Variants in CACNA2D1 observed in about 807,000 individuals in gnomAD.
The protein encoded by CACNA2D1 is voltage-dependent calcium channel subunit alpha-2/delta-1.
In CACNA2D1, 53 loss-of-function variants were observed where a neutral mutation model predicts 171.5. The observed-to-expected ratio is 0.31, with a 90% confidence interval of 0.25 to 0.39. The LOEUF is 0.39. Ranked by LOEUF, CACNA2D1 falls within the 10% of genes least tolerant of loss-of-function variation. CACNA2D1 has a pLI of 1.00. For missense variants in CACNA2D1, 903 were observed against 1,299.8 expected (o/e 0.69, Z 4.69); for synonymous variants, 442 against 443.1 (o/e 1.00, Z 0.03).
chr7:82,038,316 C>T (rs1803551964), intron 10 of CACNA2D1, 81 bp from the exon 11 acceptor site: 4 of 1,240,492 alleles, frequency 3.2e-6, no homozygotes, highest in Non-Finnish European at 4.6e-6. Context: ...GTTTGATACT[C>T]CTAAACGGTA....
chr7:82,218,213 T>C (rs1382175935), intron 3 of CACNA2D1, among the ~76,000 whole-genome samples: 1 of 152,074 alleles, frequency 6.6e-6, no homozygotes, highest in Non-Finnish European at 1.5e-5. Flanking sequence ...GGATTACAGG[T>C]GTAAGCCACC....
chr7:81,957,858 C>A (rs1377734998), intron 38 of CACNA2D1, among the ~76,000 whole-genome samples: 1 of 152,050 alleles, frequency 6.6e-6, no homozygotes, highest in African/African-American at 2.4e-5. Context: ...GATATAGCCT[C>A]CTAGAATAAT....
intron 3 of CACNA2D1, among the ~76,000 whole-genome samples, chr7:82,255,026 C>A (rs1269055240): frequency 6.6e-6 from 1 of 152,184 alleles, no homozygotes; most frequent in Non-Finnish European, 1.5e-5. Context: ...ACTCACAGAT[C>A]TGCAAGGTTC....
chr7:82,198,667 CT>C (rs11333417), intron 3 of CACNA2D1, among the ~76,000 whole-genome samples: 17,220 of 139,226 alleles, frequency 0.12, 1,137 homozygotes, highest in East Asian at 0.21. Flanking sequence ...ATATCTGGAA[CT>C]TTTTTTTTTT....
At position 82,432,037 on chromosome 7, in the gene CACNA2D1, T is replaced by TAAAAAAAAAAAAAAAAAAAAAAAAAA. The variant is rs34180150; in HGVS notation, c.95+11327_95+11328insTTTTTTTTTTTTTTTTTTTTTTTTTT. 3.6e-5 allele frequency among the ~76,000 whole-genome samples: 3 copies of TAAAAAAAAAAAAAAAAAAAAAAAAAA among 82,216 alleles called. 1 individual carries two copies. The highest frequency in any genetic ancestry group is 2.3e-4 in the African/African-American group (3 of 13,090). 53.9% of individuals were successfully genotyped at this position (82,216 alleles called of 152,430 possible). A position where few individuals can be genotyped will look rare whatever the true frequency, so the allele number is the denominator to read the frequency against. On this transcript the variant is annotated intron_variant, in intron 1 of 38. Transcript: ENST00000356860. ...TGGGCAACAGAACAAGACTCTGTCT[T>TAAAAAAAAAAAAAAAAAAAAAAAAAA]AAAAAAAAAAAAAAAAAAAAATTGG...
chr7:82,307,685 TC>T (rs1046296949), intron 3 of CACNA2D1, among the ~76,000 whole-genome samples: 3 of 152,092 alleles, frequency 2.0e-5, no homozygotes, highest in African/African-American at 7.2e-5. Context: ...CTTCTAGCCA[TC>T]TTTGGGGGTG....
rs150528316 is a variant in CACNA2D1 at position 82,226,655 on chromosome 7, C to T, written c.295-56046G>A. 4.9e-3 allele frequency among the ~76,000 whole-genome samples: 751 copies of T among 152,118 alleles called. 5 individuals carry two copies. The highest frequency in any genetic ancestry group is 0.011 in the Admixed American group (162 of 15,260). ...CATTATATTAGAAATTAGAACTGAT[C>T]CATAGATGAAAAAGCAATTAATATC... On this transcript the variant is annotated intron_variant, in intron 3 of 38. Transcript: ENST00000356860.
chr7:81,954,662 G>T (rs1417481541), intron 38 of CACNA2D1, among the ~76,000 whole-genome samples: 1 of 151,968 alleles, frequency 6.6e-6, no homozygotes, highest in African/African-American at 2.4e-5. Flanking sequence ...AAATGTTCTG[G>T]TCATTTGGCT....
intron 4 of CACNA2D1, among the ~76,000 whole-genome samples, chr7:82,165,127 G>A (rs1032870665): frequency 6.6e-6 from 1 of 151,914 alleles, no homozygotes; most frequent in Non-Finnish European, 1.5e-5. Context: ...GGATATTGAA[G>A]CAGCGGATTG....
chr7:82,181,905 CATAAT>C (rs1160848648), intron 3 of CACNA2D1, among the ~76,000 whole-genome samples: 5 of 152,040 alleles, frequency 3.3e-5, no homozygotes, highest in African/African-American at 4.8e-5. Flanking sequence ...AAAGTGACAG[CATAAT>C]ATATTATTAC....
chr7:82,424,298 A>C (rs985803199), intron 1 of CACNA2D1, among the ~76,000 whole-genome samples: 6 of 152,222 alleles, frequency 3.9e-5, no homozygotes, highest in Non-Finnish European at 8.8e-5. Context: ...CTACTTTTTA[A>C]AGGAAATTTA....
At chr7:81,975,268 A>C (rs1795719435) in intron 24 of CACNA2D1, among the ~76,000 whole-genome samples, 1 of 152,162 alleles carries the variant, frequency 6.6e-6, no homozygotes, top group Non-Finnish European at 1.5e-5. Context: ...AAAAATTTAG[A>C]CAATAAAAAA....
intron 3 of CACNA2D1, among the ~76,000 whole-genome samples, chr7:82,285,785 CCTCTATGAAAAACACAGGTTATGAAGA>C (rs1810684210): frequency 6.6e-6 from 1 of 152,020 alleles, no homozygotes; most frequent in Non-Finnish European, 1.5e-5. Flanking sequence ...GCCATGGGAC[CCTCTATGAAAAACACAGGTTATGAAGA>C]CTCTTTCCTA....
chr7:82,434,237 T>A (rs1427004699), intron 1 of CACNA2D1, among the ~76,000 whole-genome samples: 1 of 152,218 alleles, frequency 6.6e-6, no homozygotes, highest in African/African-American at 2.4e-5. Flanking sequence ...CCAGCTCCAC[T>A]ACCATTTAAA....
Position 81,974,471 on chromosome 7 carries a change from A to C in CACNA2D1, c.2037T>G (p.Thr679=). ...LNFNEFIDRK[T]PNNPSCNADL... is the part of the protein sequence containing the mutation. ...CATACTTACATGATGGGTTGTTTGG[A>C]GTTTTTCTATCAATAAACTCGTTGA... The change falls in exon 25 of 39, where the codon ACT becomes ACG. Residue 679 remains threonine, a synonymous_variant. Coordinates refer to ENST00000356860, the MANE Select transcript of CACNA2D1 (RefSeq NM_000722.4). The C allele has an allele frequency of 1.3e-6, 2 of 1,543,842 alleles. No homozygotes were observed. The highest frequency in any genetic ancestry group is 1.8e-6 in the Non-Finnish European group (2 of 1,117,674).
At chr7:82,136,043 T>A (rs1791562224) in intron 5 of CACNA2D1, among the ~76,000 whole-genome samples, 1 of 152,214 alleles carries the variant, frequency 6.6e-6, no homozygotes, top group African/African-American at 2.4e-5. Context: ...TCAATGTCTA[T>A]CCAGATGTAG....
chr7:82,302,182 A>G (rs1042038921), intron 3 of CACNA2D1, among the ~76,000 whole-genome samples: 18 of 152,158 alleles, frequency 1.2e-4, no homozygotes, highest in African/African-American at 4.3e-4. Context: ...TTAGAGTTCT[A>G]GATTTTGGGG....
At chr7:82,115,523 C>A (rs10238833) in intron 6 of CACNA2D1, among the ~76,000 whole-genome samples, 2,843 of 151,088 alleles carry the variant, frequency 0.019, 87 homozygotes, top group African/African-American at 0.059. Flanking sequence ...GAAACTATAT[C>A]TATACACACA....
At chr7:82,184,894 T>C (rs1797502524) in intron 3 of CACNA2D1, among the ~76,000 whole-genome samples, 1 of 152,184 alleles carries the variant, frequency 6.6e-6, no homozygotes, top group Non-Finnish European at 1.5e-5. Context: ...ACAGAAATTA[T>C]CTATATTTCC....
Sources: allele counts gnomAD v4.1 joint callset (sites outside exome capture counted in the v4.1 genomes callset), GRCh38; gene constraint gnomAD v4.1.1; transcripts MANE v1.5; gene names NCBI Gene and HGNC (gene_info 2026-07-23, HGNC 2026-07-21).